Variants in COMMD10 observed in about 807,000 individuals in gnomAD.
The protein encoded by COMMD10 is COMM domain-containing protein 10.
Under a neutral mutation model 28.9 loss-of-function variants are expected in COMMD10, and 33 were observed. The ratio of observed to expected loss-of-function variants is 1.14; its 90% CI spans 0.87 to 1.53. The LOEUF is 1.53. Among genes scored for constraint, COMMD10 ranks in the 40% most tolerant of loss-of-function variants. COMMD10 has a pLI of 0.00. For synonymous variants in COMMD10, 110 were observed against 81.7 expected (o/e 1.35, Z -1.87); for missense variants, 310 against 233.4 (o/e 1.33, Z -2.14).
intron 5 of COMMD10, among the ~76,000 whole-genome samples, chr5:116,235,798 C>T (rs539465094): frequency 1.3e-5 from 2 of 151,588 alleles, no homozygotes; most frequent in African/African-American, 2.4e-5. Context: ...TCTTTATCTT[C>T]GATGGATAAA....
chr5:116,112,701 T>A (rs1751092702), intron 4 of COMMD10, among the ~76,000 whole-genome samples: 1 of 152,180 alleles, frequency 6.6e-6, no homozygotes. Flanking sequence ...GGCCTATAGT[T>A]GATTTTTTTT....
chr5:116,277,573 T>G (rs1750953455), intron 5 of COMMD10, among the ~76,000 whole-genome samples: 1 of 151,994 alleles, frequency 6.6e-6, no homozygotes, highest in South Asian at 2.1e-4. Context: ...ATTATTATGC[T>G]GCAGTTTACA....
intron 4 of COMMD10, among the ~76,000 whole-genome samples, chr5:116,114,510 G>A (rs1198540920): frequency 6.6e-6 from 1 of 152,152 alleles, no homozygotes; most frequent in Non-Finnish European, 1.5e-5. Context: ...TGTCCCCTGG[G>A]AGAAGTGCTT....
At chr5:116,122,317 C>G (rs1751460058) in intron 4 of COMMD10, among the ~76,000 whole-genome samples, 1 of 152,056 alleles carries the variant, frequency 6.6e-6, no homozygotes, top group Admixed American at 6.5e-5. Context: ...TTTCTGAGGC[C>G]TCTGTTCTGT....
intron 5 of COMMD10, among the ~76,000 whole-genome samples, chr5:116,234,449 ATTGT>A (rs1428223107): frequency 1.3e-5 from 2 of 152,164 alleles, no homozygotes; most frequent in Non-Finnish European, 2.9e-5. Flanking sequence ...ACAATTACCC[ATTGT>A]TTACATAAAT....
chr5:116,176,115 C>G (rs891044362), intron 5 of COMMD10, among the ~76,000 whole-genome samples: 1 of 151,996 alleles, frequency 6.6e-6, no homozygotes, highest in Non-Finnish European at 1.5e-5. Context: ...GACTTATTCA[C>G]TGTTTGTTTA....
intron 5 of COMMD10, among the ~76,000 whole-genome samples, chr5:116,160,311 A>T (rs1378793713): frequency 6.6e-6 from 1 of 152,200 alleles, no homozygotes; most frequent in Non-Finnish European, 1.5e-5. Context: ...TTTACTCTGA[A>T]AATTTAGCTC....
Position 116,283,071 on chromosome 5 carries a change from C to G in COMMD10, c.511-8446C>G, listed in dbSNP as rs145469252. Among the ~76,000 whole-genome samples, 859 of 151,970 alleles carry G rather than the reference C, an allele frequency of 5.7e-3. 22 individuals carry two copies. The highest frequency in any genetic ancestry group is 0.02 in the African/African-American group (820 of 41,280). On this transcript the variant is annotated intron_variant, in intron 5 of 6. Coordinates refer to ENST00000274458, the MANE Select transcript of COMMD10 (RefSeq NM_016144.4). The stretch of plus-strand genomic sequence containing the variant: ...AAAATGTTATCCTGCTTTATTCTCC[C>G]TTAAGCAGGTATCATTTGCAGTAGC...
chr5:116,212,077 C>G (rs959094416), intron 5 of COMMD10, among the ~76,000 whole-genome samples: 1 of 152,160 alleles, frequency 6.6e-6, no homozygotes, highest in Non-Finnish European at 1.5e-5. Flanking sequence ...CTATTACCAT[C>G]TGTATTTTAA....
At chr5:116,262,452 C>A (rs894092320) in intron 5 of COMMD10, among the ~76,000 whole-genome samples, 6 of 151,596 alleles carry the variant, frequency 4.0e-5, no homozygotes, top group Admixed American at 3.3e-4. Flanking sequence ...ATCCATCATT[C>A]TTCAGTTTCT....
chr5:116,239,016 A>AT (rs150148662), intron 5 of COMMD10, among the ~76,000 whole-genome samples: 6,150 of 151,856 alleles, frequency 0.04, 168 homozygotes, highest in African/African-American at 0.062. Flanking sequence ...CAACAAGTTG[A>AT]TTTTTTTTTA....
chr5:116,279,432 A>G (rs1423751243), intron 5 of COMMD10, among the ~76,000 whole-genome samples: 2 of 151,948 alleles, frequency 1.3e-5, no homozygotes, highest in East Asian at 3.9e-4. Context: ...TGTAACTTTT[A>G]TCAAACTTTG....
chr5:116,159,453 TA>T (rs779783832), intron 5 of COMMD10, among the ~76,000 whole-genome samples: 22 of 152,210 alleles, frequency 1.4e-4, no homozygotes, highest in Non-Finnish European at 3.1e-4. Context: ...TTCCTGAACA[TA>T]CATTGCAAAT....
intron 4 of COMMD10, among the ~76,000 whole-genome samples, chr5:116,102,708 G>A (rs1394555913): frequency 1.3e-5 from 2 of 152,056 alleles, no homozygotes; most frequent in African/African-American, 4.8e-5. Context: ...GGGTACATGT[G>A]CAGAATGTGC....
intron 5 of COMMD10, among the ~76,000 whole-genome samples, chr5:116,146,362 G>T (rs557787143): frequency 6.6e-5 from 10 of 151,940 alleles, no homozygotes; most frequent in African/African-American, 2.4e-4. Flanking sequence ...ACTATATCCA[G>T]AAATCAATTA....
At chr5:116,286,367 G>C (rs187682202) in intron 5 of COMMD10, among the ~76,000 whole-genome samples, 177 of 144,220 alleles carry the variant, frequency 1.2e-3, no homozygotes, top group Non-Finnish European at 4.1e-4. Flanking sequence ...ATTTATCTCT[G>C]TTGTAATCTA....
intron 5 of COMMD10, among the ~76,000 whole-genome samples, chr5:116,162,330 A>G (rs1752944772): frequency 6.6e-6 from 1 of 152,044 alleles, no homozygotes; most frequent in Non-Finnish European, 1.5e-5. Context: ...AATTACAAGC[A>G]TGCACCTTAA....
chr5:116,253,018 C>T (rs1203135777), intron 5 of COMMD10, among the ~76,000 whole-genome samples: 4 of 89,640 alleles, frequency 4.5e-5, no homozygotes, highest in Non-Finnish European at 7.6e-5. Context: ...TCCTTCACAT[C>T]CCTTGTAAGT....
intron 5 of COMMD10, among the ~76,000 whole-genome samples, chr5:116,227,621 C>T (rs1232165146): frequency 6.6e-6 from 1 of 152,034 alleles, no homozygotes; most frequent in African/African-American, 2.4e-5. Context: ...ACTAAGGCTG[C>T]CCACTTAGGT....
Sources: gnomAD v4.1 joint callset for allele counts (sites outside exome capture counted in the v4.1 genomes callset) on GRCh38, gnomAD v4.1.1 for gene constraint, MANE v1.5 for transcripts, NCBI Gene and HGNC (gene_info 2026-07-23, HGNC 2026-07-21) for gene names.